CPT1A: variants seen among roughly 807,000 people sequenced by gnomAD.
CPT1A encodes the protein carnitine palmitoyltransferase 1A, also known as carnitine O-palmitoyltransferase 1, liver isoform.
CPT1A carries 64 observed loss-of-function variants against 100.8 expected under a neutral mutation model. That is an observed-to-expected ratio of 0.63 (90% CI 0.52 to 0.78). CPT1A has a LOEUF of 0.78. Ranked by LOEUF, CPT1A falls within the 30% of genes least tolerant of loss-of-function variation. CPT1A has a pLI of 0.00. For synonymous variants in CPT1A, 363 were observed against 396.0 expected (o/e 0.92, Z 0.99); for missense variants, 802 against 1,034.1 (o/e 0.78, Z 3.08).
In CPT1A at chr11:68,796,960, C is replaced by T. The variant is rs770127101; in HGVS notation, c.694-27G>A. On this transcript the variant is annotated intron_variant, in intron 6 of 18. Coordinates refer to ENST00000265641, the MANE Select transcript of CPT1A (RefSeq NM_001876.4). ...TAGTGGGCGCAAACACCAGACAAAC[C>T]CGCAGGCTCAGCAGGGGCCAGGCAG... 3.1e-6 allele frequency: 5 copies of T among 1,612,274 alleles called. No individual in the cohort carries two copies. The South Asian group carries it at 5.5e-5, about 18-fold the overall frequency.
chr11:68,759,493 T>TA (rs1946759658), intron 18 of CPT1A, 76 bp downstream of exon 18: 1 of 964,192 alleles, frequency 1.0e-6, no homozygotes, highest in Non-Finnish European at 1.7e-6. Context: ...TCTGTCAAAT[T>TA]AAAGATGTGT....
chr11:68,773,706 G>A, intron 13 of CPT1A: 2 of 428,998 alleles, frequency 4.7e-6, no homozygotes, highest in South Asian at 4.2e-5. Flanking sequence ...GCGACCATCA[G>A]TGATGGTCAG....
chr11:68,814,099 G>C (rs981578744), intron 2 of CPT1A, among the ~76,000 whole-genome samples: 1 of 151,968 alleles, frequency 6.6e-6, no homozygotes, highest in South Asian at 2.1e-4. Flanking sequence ...TCAGCGGGGG[G>C]GGATTTCCAC....
chr11:68,841,707 C>G lies in CPT1A; in HGVS notation c.-14+68G>C, dbSNP rs1857163570. 1 of 849,798 alleles carries G rather than the reference C, an allele frequency of 1.2e-6. No homozygotes were observed. The highest frequency in any genetic ancestry group is 1.4e-6 in the Non-Finnish European group (1 of 705,716). The allele number at this position is 849,798 out of a possible 1,614,324, so 52.6% of individuals were successfully genotyped here. A position where few individuals can be genotyped will look rare whatever the true frequency, so the allele number is the denominator to read the frequency against. ...GTTCCCGGCAGCCCCGCGCCCCGCC[C>G]GTCCCCGGCCCCCGCAGCCCGCAGG... On this transcript the variant is annotated intron_variant, in intron 1 of 18. Coordinates refer to ENST00000265641, the MANE Select transcript of CPT1A (RefSeq NM_001876.4). The surrounding 1 kb of genome is among the most constrained non-coding windows in gnomAD (Gnocchi z 6.3).
chr11:68,781,357 C>T (rs1277059858), intron 11 of CPT1A, among the ~76,000 whole-genome samples: 1 of 152,224 alleles, frequency 6.6e-6, no homozygotes, highest in Non-Finnish European at 1.5e-5. Context: ...CAGTGGCTCA[C>T]ATCTGTAATC....
At chr11:68,789,721 C>A (rs73519154) in intron 9 of CPT1A, among the ~76,000 whole-genome samples, 4,255 of 152,198 alleles carry the variant, frequency 0.028, 196 homozygotes, top group African/African-American at 0.097. Flanking sequence ...ACATTTCTTT[C>A]ATTCCCAGTG....
chr11:68,776,707 C>T (rs1055658509), intron 12 of CPT1A, among the ~76,000 whole-genome samples: 3 of 152,072 alleles, frequency 2.0e-5, no homozygotes, highest in Non-Finnish European at 4.4e-5. Flanking sequence ...GGGGAAACCC[C>T]GCCTCTACCA....
intron 3 of CPT1A, among the ~76,000 whole-genome samples, chr11:68,808,503 C>A (rs1435029214): frequency 6.6e-6 from 1 of 151,724 alleles, no homozygotes. Flanking sequence ...TCCTGAGTAG[C>A]TGGGATTACA....
intron 1 of CPT1A, chr11:68,818,682 A>C (rs913897260): frequency 6.6e-6 from 1 of 152,254 alleles, no homozygotes; most frequent in African/African-American, 2.4e-5. Flanking sequence ...AACATGGCGA[A>C]ACCCCGTCTC....
chr11:68,794,282 G>A (rs918613633), intron 8 of CPT1A, among the ~76,000 whole-genome samples: 26 of 152,286 alleles, frequency 1.7e-4, no homozygotes, highest in African/African-American at 6.0e-4. Context: ...CAGGTGGGAG[G>A]GAGAGATGAC....
rs71043448 is a variant in CPT1A, at chr11:68,768,066, C to CTTTTTTTTTTTTTTTTTTTTTTTTT, written c.1740+5174_1740+5198dup. On this transcript the variant is annotated intron_variant, in intron 14 of 18. Transcript: ENST00000265641. ...TCTCAGACACTTTCTAGTTTCCAGT[C>CTTTTTTTTTTTTTTTTTTTTTTTTT]TTTTTTTTTTTTTTTTTTTTTTTTT... 2.8e-5 allele frequency among the ~76,000 whole-genome samples: 2 copies of CTTTTTTTTTTTTTTTTTTTTTTTTT among 71,244 alleles called. 1 individual carries two copies. The highest frequency in any genetic ancestry group is 1.2e-4 in the African/African-American group (2 of 16,370). The allele number at this position is 71,244 out of a possible 152,430, so 46.7% of individuals were successfully genotyped here. A position where few individuals can be genotyped will look rare whatever the true frequency, so the allele number is the denominator to read the frequency against.
chr11:68,758,718 A>T (rs898171105), intron 18 of CPT1A, among the ~76,000 whole-genome samples: 2 of 150,846 alleles, frequency 1.3e-5, no homozygotes, highest in Non-Finnish European at 2.9e-5. Flanking sequence ...TCCCGGGTTC[A>T]AGCGATTCTC....
intron 1 of CPT1A, among the ~76,000 whole-genome samples, chr11:68,838,592 C>CA (rs1485062637): frequency 7.5e-5 from 1 of 13,328 alleles, no homozygotes; most frequent in African/African-American, 2.5e-4. Flanking sequence ...AAAAAAAAAA[C>CA]AGAGACAGGG....
intron 9 of CPT1A, among the ~76,000 whole-genome samples, chr11:68,788,478 A>G (rs1855522408): frequency 6.6e-6 from 1 of 152,092 alleles, no homozygotes; most frequent in African/African-American, 2.4e-5. Flanking sequence ...GCATGCCTGT[A>G]ATCCCAGCTA....
At chr11:68,786,321 A>C (rs746833833) in intron 9 of CPT1A, among the ~76,000 whole-genome samples, 3 of 152,196 alleles carry the variant, frequency 2.0e-5, no homozygotes, top group Non-Finnish European at 4.4e-5. Context: ...AAATTGCACC[A>C]CTGCACTCCA....
chr11:68,768,968 CTTGT>C (rs1351297102), intron 14 of CPT1A, among the ~76,000 whole-genome samples: 6 of 152,272 alleles, frequency 3.9e-5, no homozygotes, highest in South Asian at 2.1e-4. Context: ...AAAATCTAGT[CTTGT>C]TTAAGTTGTA....
Position 68,807,374 on chromosome 11 carries a change from A to G in CPT1A, c.453+93T>C. The G allele has an allele frequency of 2.3e-6, 3 of 1,303,410 alleles. No individual in the cohort carries two copies. In the South Asian group the frequency reaches 3.8e-5, roughly 17 times the overall value. The allele number at this position is 1,303,410 out of a possible 1,614,324, so 80.7% of individuals were successfully genotyped here. ...AGTCACCAACCAAGCATAGAGGGAG[A>G]AAAGGTCGCAGGGGTGTCCTTCCGC... On this transcript the variant is annotated intron_variant, in intron 4 of 18. Transcript: ENST00000265641.
chr11:68,826,310 G>A (rs946814119), intron 1 of CPT1A, among the ~76,000 whole-genome samples: 1 of 152,132 alleles, frequency 6.6e-6, no homozygotes, highest in Non-Finnish European at 1.5e-5. Flanking sequence ...GCCGGATCTG[G>A]TGGTGCACGC....
At position 68,755,476 on chromosome 11, in the gene CPT1A, C is replaced by T. The variant is rs1371326412; in HGVS notation, c.*2168G>A. On this transcript the variant is annotated 3_prime_UTR_variant, in exon 19 of 19. Coordinates refer to ENST00000265641, the MANE Select transcript of CPT1A (RefSeq NM_001876.4). ...CCAGGCTGGAGTGCAGTGGAGCGAT[C>T]TCGGCTCACTGCAAGCTCCGCCTCC... 6.5e-6 allele frequency: 1 copy of T among 153,218 alleles called. No homozygotes were observed. The highest frequency in any genetic ancestry group is 2.4e-5 in the African/African-American group (1 of 41,416). 9.5% of individuals were successfully genotyped at this position (153,218 alleles called of 1,614,324 possible).
Sources: allele counts gnomAD v4.1 joint callset (sites outside exome capture counted in the v4.1 genomes callset), GRCh38; gene constraint gnomAD v4.1.1; non-coding constraint Gnocchi (gnomAD v3.1); transcripts MANE v1.5; gene names NCBI Gene and HGNC (gene_info 2026-07-23, HGNC 2026-07-21).